NEGR1: variants seen among roughly 807,000 people sequenced by gnomAD.
NEGR1 encodes neuronal growth regulator 1, also known as IgLON family member 4.
A neutral mutation model predicts 40.9 loss-of-function variants in NEGR1; 10 were observed. That is an observed-to-expected ratio of 0.24 (90% CI 0.15 to 0.42). NEGR1 has a LOEUF of 0.42. Among genes scored for constraint, NEGR1 ranks in the 10% least tolerant of loss-of-function variants. The pLI is 1.00. For missense variants in NEGR1, 352 were observed against 438.9 expected (o/e 0.80, Z 1.77); for synonymous variants, 185 against 166.8 (o/e 1.11, Z -0.84).
chr1:71,611,873 G>A (rs910804090), intron 4 of NEGR1, among the ~76,000 whole-genome samples: 8 of 152,066 alleles, frequency 5.3e-5, no homozygotes, highest in African/African-American at 9.7e-5. Flanking sequence ...AAGTTTCCCC[G>A]CCTCTGAGTA....
At chr1:71,908,697 C>A (rs960442507) in intron 2 of NEGR1, among the ~76,000 whole-genome samples, 5 of 152,090 alleles carry the variant, frequency 3.3e-5, no homozygotes, top group African/African-American at 1.2e-4. Flanking sequence ...TAAACTTAGA[C>A]CATTGATTGC....
intron 1 of NEGR1, among the ~76,000 whole-genome samples, chr1:71,959,195 A>G (rs1262961225): frequency 6.6e-6 from 1 of 152,116 alleles, no homozygotes; most frequent in Non-Finnish European, 1.5e-5. Context: ...GATGATTCTC[A>G]AATTCATCTA....
chr1:72,089,114 C>G (rs910266322), intron 1 of NEGR1, among the ~76,000 whole-genome samples: 2 of 152,158 alleles, frequency 1.3e-5, no homozygotes, highest in Non-Finnish European at 2.9e-5. Flanking sequence ...GGTACAGATT[C>G]TGCTTTTCTA....
chr1:72,027,643 A>C (rs1172475521), intron 1 of NEGR1, among the ~76,000 whole-genome samples: 1 of 152,196 alleles, frequency 6.6e-6, no homozygotes, highest in Non-Finnish European at 1.5e-5. Flanking sequence ...ATAGGAAATA[A>C]ATTTGTTTTT....
chr1:72,056,648 T>G (rs989044487), intron 1 of NEGR1, among the ~76,000 whole-genome samples: 1 of 151,500 alleles, frequency 6.6e-6, no homozygotes, highest in African/African-American at 2.4e-5. Context: ...TTATGCCCAT[T>G]TATAATATTA....
intron 6 of NEGR1, among the ~76,000 whole-genome samples, chr1:71,480,828 C>T (rs1014498281): frequency 6.6e-6 from 1 of 151,660 alleles, no homozygotes; most frequent in African/African-American, 2.4e-5. Flanking sequence ...TGTCAAAGAA[C>T]CCTGAAAAAT....
At chr1:72,091,467 CCCTT>C (rs1281113486) in intron 1 of NEGR1, among the ~76,000 whole-genome samples, 2 of 149,868 alleles carry the variant, frequency 1.3e-5, no homozygotes, top group Non-Finnish European at 3.0e-5. Context: ...CTCCCTCCCT[CCCTT>C]CCTTCTCCCG....
chr1:71,914,670 T>A (rs1296298252), intron 2 of NEGR1, among the ~76,000 whole-genome samples: 3 of 152,210 alleles, frequency 2.0e-5, no homozygotes, highest in Non-Finnish European at 4.4e-5. Context: ...TTCAGTCCGA[T>A]GGAAAGATAA....
intron 4 of NEGR1, among the ~76,000 whole-genome samples, chr1:71,689,934 TAGAG>T (rs923155807): frequency 2.0e-5 from 3 of 151,930 alleles, no homozygotes; most frequent in Non-Finnish European, 4.4e-5. Flanking sequence ...ATTTAACAGA[TAGAG>T]AGAATAGATA....
At chr1:72,101,281 G>A (rs1186897458) in intron 1 of NEGR1, among the ~76,000 whole-genome samples, 1 of 152,108 alleles carries the variant, frequency 6.6e-6, no homozygotes, top group Non-Finnish European at 1.5e-5. Context: ...GTGAAAACTA[G>A]TTAAGTAATA....
chr1:71,761,065 T>C (rs770393367), intron 3 of NEGR1, among the ~76,000 whole-genome samples: 4 of 152,212 alleles, frequency 2.6e-5, no homozygotes, highest in Non-Finnish European at 5.9e-5. Flanking sequence ...ACGTTTGCTG[T>C]CTTAAGACTC....
chr1:71,602,632 C>T (rs1480648825), intron 5 of NEGR1, among the ~76,000 whole-genome samples: 1 of 152,176 alleles, frequency 6.6e-6, no homozygotes, highest in Non-Finnish European at 1.5e-5. Flanking sequence ...TACATTTGCC[C>T]TGAAGTATTC....
chr1:71,964,185 C>G (rs920553122), intron 1 of NEGR1, among the ~76,000 whole-genome samples: 1 of 152,178 alleles, frequency 6.6e-6, no homozygotes, highest in Non-Finnish European at 1.5e-5. Context: ...GACCACATCG[C>G]CCATGCCACA....
At chr1:71,457,196 T>C (rs906828072) in intron 6 of NEGR1, among the ~76,000 whole-genome samples, 4 of 152,130 alleles carry the variant, frequency 2.6e-5, no homozygotes, top group Admixed American at 2.6e-4. Context: ...TCCACTCTCA[T>C]GTGGTCTAAA....
chr1:71,607,862 T>C (rs1557585299), intron 5 of NEGR1, among the ~76,000 whole-genome samples: 1 of 151,994 alleles, frequency 6.6e-6, no homozygotes, highest in South Asian at 2.1e-4. Context: ...CCCGGCTAAT[T>C]TTTGTTAGTA....
At position 71,689,859 on chromosome 1, in the gene NEGR1, A is replaced by C. The variant is rs1348912337; in HGVS notation, c.667+8149T>G. On this transcript the variant is annotated intron_variant, in intron 4 of 6. Coordinates refer to ENST00000357731, the MANE Select transcript of NEGR1 (RefSeq NM_173808.3). ...TGTAATGTAAATTAATTAACATTAAATAAATGTAAGTAAAATAACAGTAAA... is the reference window on the plus strand; with the variant it reads ...TGTAATGTAAATTAATTAACATTAACTAAATGTAAGTAAAATAACAGTAAA... Among the ~76,000 whole-genome samples the C allele has an allele frequency of 5.9e-5, 9 of 151,624 alleles. No homozygotes were observed. The Admixed American group carries it at 5.9e-4, about 10-fold the overall frequency.
intron 2 of NEGR1, among the ~76,000 whole-genome samples, chr1:71,800,215 T>G (rs754640946): frequency 2.0e-5 from 3 of 152,194 alleles, no homozygotes; most frequent in Admixed American, 6.5e-5. Context: ...TCTTGTAAAT[T>G]TGTTTAAGTT....
intron 2 of NEGR1, among the ~76,000 whole-genome samples, chr1:71,887,185 T>G (rs572982637): frequency 6.6e-6 from 1 of 152,302 alleles, no homozygotes; most frequent in South Asian, 2.1e-4. Context: ...TAAGTGGAAG[T>G]GGATCATCAT....
chr1:71,655,675 G>A (rs559235363), intron 4 of NEGR1, among the ~76,000 whole-genome samples: 1 of 152,176 alleles, frequency 6.6e-6, no homozygotes, highest in South Asian at 2.1e-4. Flanking sequence ...TGGGTTGCAG[G>A]GCAATAGATA....
Sources: gnomAD v4.1 joint callset for allele counts (sites outside exome capture counted in the v4.1 genomes callset) on GRCh38, gnomAD v4.1.1 for gene constraint, MANE v1.5 for transcripts, NCBI Gene and HGNC (gene_info 2026-07-23, HGNC 2026-07-21) for gene names.